Variants in FAM227B observed in about 807,000 individuals in gnomAD.
FAM227B encodes protein FAM227B.
Under a neutral mutation model 73.8 loss-of-function variants are expected in FAM227B, and 88 were observed. That is an observed-to-expected ratio of 1.19 (90% CI 1.00 to 1.42). The LOEUF (loss-of-function observed/expected upper bound fraction) is 1.42. Among genes scored for constraint, FAM227B ranks in the 40% most tolerant of loss-of-function variants. FAM227B has a pLI of 0.00. For synonymous variants in FAM227B, 210 were observed against 190.5 expected, an observed-to-expected ratio of 1.10 and a Z score of -0.84; for missense variants, 632 against 590.9, an observed-to-expected ratio of 1.07 and a Z score of -0.72.
intron 11 of FAM227B, among the ~76,000 whole-genome samples, chr15:49,405,054 T>C (rs1442977051): frequency 6.6e-6 from 1 of 152,178 alleles, no homozygotes; most frequent in Non-Finnish European, 1.5e-5. Context: ...GAATTCACTT[T>C]CTTTAATAAT....
intron 9 of FAM227B, among the ~76,000 whole-genome samples, chr15:49,550,053 CT>C (rs1877937952): frequency 7.5e-6 from 1 of 133,554 alleles, no homozygotes; most frequent in Admixed American, 7.3e-5. Flanking sequence ...GCTGGCCGGG[CT>C]GGGGGCTGAT....
intron 8 of FAM227B, among the ~76,000 whole-genome samples, chr15:49,568,798 G>A (rs2074865387): frequency 6.6e-6 from 1 of 151,724 alleles, no homozygotes; most frequent in Admixed American, 6.6e-5. Flanking sequence ...ATTTTGTTGA[G>A]GATTTTTGTC....
At chr15:49,443,155 C>T (rs1043245669) in intron 11 of FAM227B, among the ~76,000 whole-genome samples, 3 of 151,438 alleles carry the variant, frequency 2.0e-5, no homozygotes, top group Non-Finnish European at 4.4e-5. Context: ...GTTAAATTTT[C>T]AAAAATTTTG....
chr15:49,373,536 ATC>A (rs35533804), intron 11 of FAM227B, among the ~76,000 whole-genome samples: 25,064 of 152,016 alleles, frequency 0.16, 2,358 homozygotes, highest in Non-Finnish European at 0.21. Context: ...AAATGACTCT[ATC>A]TGATAAAACT....
intron 9 of FAM227B, among the ~76,000 whole-genome samples, chr15:49,556,351 C>T (rs1458898201): frequency 6.6e-6 from 1 of 152,172 alleles, no homozygotes; most frequent in East Asian, 1.9e-4. Context: ...CAGCTCAGCT[C>T]AGCACTCCTG....
At position 49,575,095 on chromosome 15, in the gene FAM227B, T is replaced by G; in HGVS notation, c.561A>C (p.Lys187Asn). 1 of 1,591,792 alleles carries G rather than the reference T, an allele frequency of 6.3e-7. No individual in the cohort carries two copies. Among genetic ancestry groups the G allele is most frequent in the South Asian group, 1.1e-5 (1 of 87,956 alleles). The change falls in exon 8 of 16, where the codon AAA (lysine) becomes AAC (asparagine). Residue 187 changes from lysine to asparagine, a missense_variant. Physicochemically the swap from Lys to Asn is moderately conservative, Grantham distance 94 (BLOSUM62 0). Coordinates refer to ENST00000299338, the MANE Select transcript of FAM227B (RefSeq NM_152647.3). The stretch of plus-strand genomic sequence containing the variant: ...CTGAGAGAAAATGAGTCTTCCAGAT[T>G]TTAAAAACTCTTTCCTATGGAAAAA... ...KAHNFDERVF[K>N]IWKTHFLSEA...
chr15:49,349,378 T>TA (rs1458632004), intron 13 of FAM227B, among the ~76,000 whole-genome samples: 3 of 152,140 alleles, frequency 2.0e-5, no homozygotes, highest in African/African-American at 7.2e-5. Flanking sequence ...AACTAGCAAT[T>TA]TACTCATCAA....
rs3985851 is a variant in FAM227B, at chr15:49,369,125, A to ATTTT, written c.1111-1521_1111-1518dup. Among the ~76,000 whole-genome samples, 217 of 151,452 alleles carry ATTTT rather than the reference A, an allele frequency of 1.4e-3. 2 individuals are homozygous for ATTTT. Among genetic ancestry groups the ATTTT allele is most frequent in the African/African-American group, 4.9e-3 (201 of 41,232 alleles). On this transcript the variant is annotated intron_variant, in intron 12 of 15. Coordinates refer to ENST00000299338, the MANE Select transcript of FAM227B (RefSeq NM_152647.3). ...AGGCGTCCACCACCACGCCTGGCTAATTTTTTTATTTTTAGTAGAGACGGG... is the reference window on the plus strand; with the variant it reads ...AGGCGTCCACCACCACGCCTGGCTAATTTTTTTTTTTATTTTTAGTAGAGACGGG...
intron 11 of FAM227B, among the ~76,000 whole-genome samples, chr15:49,413,833 G>T (rs993870147): frequency 6.6e-6 from 1 of 150,486 alleles, no homozygotes; most frequent in Non-Finnish European, 1.5e-5. Context: ...TTTCACCTCA[G>T]AACTTTTGCT....
chr15:49,328,797 G>A, intron 15 of FAM227B, 122 bp from the exon 16 acceptor site: 1 of 1,421,590 alleles, frequency 7.0e-7, no homozygotes, highest in Non-Finnish European at 9.2e-7. Context: ...TTTGACAAAA[G>A]GAGGATACAG....
rs1373299442 is a variant in FAM227B, at chr15:49,615,182, C to A, written c.-11G>T. The A allele has an allele frequency of 1.9e-6, 3 of 1,613,842 alleles. No individual in the cohort carries two copies. The highest frequency in any genetic ancestry group is 1.7e-5 in the Admixed American group (1 of 59,996). ...TCGTTGGCCTGCCATGGTACAGTAA[C>A]TTTGCAGAAATGAAGAGAAATCAGC... On this transcript the variant is annotated 5_prime_UTR_variant, in exon 2 of 16. Transcript: ENST00000299338.
chr15:49,508,422 T>C, intron 10 of FAM227B, 74 bp from the exon 11 acceptor site: 1 of 1,300,700 alleles, frequency 7.7e-7, no homozygotes, highest in South Asian at 1.5e-5. Context: ...TCAAAGCATT[T>C]TTATGATAAT....
chr15:49,546,443 G>A (rs919202925), intron 9 of FAM227B, among the ~76,000 whole-genome samples: 1 of 152,088 alleles, frequency 6.6e-6, no homozygotes, highest in Admixed American at 6.5e-5. Flanking sequence ...CTTTATAGCA[G>A]CGTGATTTAT....
intron 11 of FAM227B, among the ~76,000 whole-genome samples, chr15:49,505,063 C>T (rs544439284): frequency 6.6e-6 from 1 of 152,066 alleles, no homozygotes; most frequent in Non-Finnish European, 1.5e-5. Flanking sequence ...GACTACTATT[C>T]AGCAATACAA....
chr15:49,456,589 T>C (rs2053316790), intron 11 of FAM227B, among the ~76,000 whole-genome samples: 1 of 152,130 alleles, frequency 6.6e-6, no homozygotes, highest in Non-Finnish European at 1.5e-5. Context: ...TTTGCCTTTC[T>C]CTTCTCAAGG....
At chr15:49,570,979 T>C (rs1050609919) in intron 8 of FAM227B, among the ~76,000 whole-genome samples, 18 of 149,958 alleles carry the variant, frequency 1.2e-4, no homozygotes, top group South Asian at 2.1e-4. Flanking sequence ...CATTCATCCA[T>C]TGATGGACAT....
intron 10 of FAM227B, among the ~76,000 whole-genome samples, chr15:49,510,736 GT>G (rs896836777): frequency 2.6e-5 from 4 of 151,708 alleles, no homozygotes; most frequent in Non-Finnish European, 5.9e-5. Flanking sequence ...TATTTTGGTG[GT>G]TTTTTTTCTC....
intron 3 of FAM227B, among the ~76,000 whole-genome samples, chr15:49,609,681 T>C (rs2077758531): frequency 6.6e-6 from 1 of 152,026 alleles, no homozygotes; most frequent in South Asian, 2.1e-4. Context: ...CCATTGTCTA[T>C]TGGACAAAGA....
chr15:49,576,428 A>G, intron 7 of FAM227B: 1 of 186,390 alleles, frequency 5.4e-6, no homozygotes, highest in Non-Finnish European at 1.1e-5. Flanking sequence ...TTTCAGGATC[A>G]AAAATGAGCA....
Sources: allele counts gnomAD v4.1 joint callset (sites outside exome capture counted in the v4.1 genomes callset), GRCh38; gene constraint gnomAD v4.1.1; transcripts MANE v1.5; gene names NCBI Gene and HGNC (gene_info 2026-07-23, HGNC 2026-07-21).